The following RNF13 variants were observed in gnomAD, a reference collection of about 807,000 sequenced individuals.
RNF13 encodes ring finger protein 13.
In RNF13, 19 loss-of-function variants were observed where a neutral mutation model predicts 37.7. The observed-to-expected ratio is 0.50, with a 90% CI of 0.35 to 0.74. The LOEUF (loss-of-function observed/expected upper bound fraction) is 0.74. RNF13 is among the 30% of genes least tolerant of loss of function. The pLI is 0.01. For synonymous variants in RNF13, 144 were observed against 157.8 expected (o/e 0.91, Z 0.65); for missense variants, 375 against 453.0 (o/e 0.83, Z 1.56).
At chr3:149,894,809 G>C (rs1006407998) in intron 4 of RNF13, among the ~76,000 whole-genome samples, 1 of 151,994 alleles carries the variant, frequency 6.6e-6, no homozygotes, top group Admixed American at 6.6e-5. Context: ...GTTTAGGTCT[G>C]GGTTTATTTT....
chr3:149,896,690 G>A (rs1190901719), intron 5 of RNF13, among the ~76,000 whole-genome samples: 2 of 151,982 alleles, frequency 1.3e-5, no homozygotes, highest in Non-Finnish European at 2.9e-5. Context: ...TGTTGGTCAG[G>A]TTGGTCTTGA....
intron 8 of RNF13, among the ~76,000 whole-genome samples, chr3:149,921,679 A>G (rs1289761200): frequency 6.6e-6 from 1 of 151,906 alleles, no homozygotes; most frequent in African/African-American, 2.4e-5. Flanking sequence ...TATGTGCCAC[A>G]TTTTCTTTAT....
intron 8 of RNF13, among the ~76,000 whole-genome samples, chr3:149,933,851 T>C (rs891003725): frequency 6.6e-6 from 1 of 152,180 alleles, no homozygotes; most frequent in Non-Finnish European, 1.5e-5. Flanking sequence ...CCCAAAGTGT[T>C]AGGATTACAG....
chr3:149,907,150 T>A (rs1402700577), intron 6 of RNF13, among the ~76,000 whole-genome samples: 1 of 152,202 alleles, frequency 6.6e-6, no homozygotes, highest in East Asian at 1.9e-4. Flanking sequence ...AACCTGCAAT[T>A]TGACTAAATT....
rs1553775784 is a variant in RNF13 at position 149,961,361 on chromosome 3, T to TTA, written c.*257_*258insTA. On this transcript the variant is annotated 3_prime_UTR_variant, in exon 10 of 10. Transcript: ENST00000392894. ...TTGGAATGAAAGTATAGCCAAAACA[T>TTA]AAAAAAAAAAAAATCCTCAGTATAG... 31 of 525,528 alleles carry TTA rather than the reference T, an allele frequency of 5.9e-5. No homozygotes were observed. The highest frequency in any genetic ancestry group is 1.0e-4 in the Admixed American group (4 of 39,704). The allele number at this position is 525,528 out of a possible 1,614,324, so 32.6% of individuals were successfully genotyped here.
intron 8 of RNF13, among the ~76,000 whole-genome samples, chr3:149,951,606 T>C (rs1193750201): frequency 1.3e-5 from 2 of 152,184 alleles, no homozygotes; most frequent in African/African-American, 4.8e-5. Flanking sequence ...TCTACTTTAG[T>C]TGGGGTTGTT....
chr3:149,864,377 T>G (rs2108423728), intron 3 of RNF13, among the ~76,000 whole-genome samples: 1 of 151,848 alleles, frequency 6.6e-6, no homozygotes. Flanking sequence ...CCATGCCTTT[T>G]GTGTGTGTGT....
chr3:149,821,010 C>G (rs919569504), intron 1 of RNF13, among the ~76,000 whole-genome samples: 1 of 152,082 alleles, frequency 6.6e-6, no homozygotes, highest in Admixed American at 6.5e-5. Context: ...ATATTCCTTT[C>G]CATGTCAGAA....
intron 4 of RNF13, among the ~76,000 whole-genome samples, chr3:149,875,612 A>G (rs1431862494): frequency 2.0e-5 from 3 of 152,190 alleles, no homozygotes; most frequent in South Asian, 2.1e-4. Flanking sequence ...AAAGAGAGCC[A>G]TTGTTTAATT....
intron 8 of RNF13, among the ~76,000 whole-genome samples, chr3:149,928,076 T>G (rs1486529211): frequency 6.6e-6 from 1 of 150,744 alleles, no homozygotes; most frequent in African/African-American, 2.4e-5. Context: ...CATCCCACAT[T>G]CATGGATTGA....
chr3:149,845,970 C>A, intron 1 of RNF13, 41 bp from the exon 2 acceptor site: 1 of 1,103,046 alleles, frequency 9.1e-7, no homozygotes, highest in East Asian at 2.4e-5. Flanking sequence ...TTCCCTGGGA[C>A]AAAGCACCAG....
intron 1 of RNF13, among the ~76,000 whole-genome samples, chr3:149,827,890 G>A (rs181667462): frequency 2.6e-4 from 39 of 151,918 alleles, no homozygotes; most frequent in Admixed American, 1.8e-3. Context: ...TGGGAGGATC[G>A]CTTGAGGCCA....
rs1719706753 is a variant in RNF13 at position 149,936,592 on chromosome 3, A to AT, written c.700+15370dup. Among the ~76,000 whole-genome samples the AT allele has an allele frequency of 4.6e-5, 7 of 151,704 alleles. No homozygotes were observed. The South Asian group carries it at 1.3e-3, about 27-fold the overall frequency. On this transcript the variant is annotated intron_variant, in intron 8 of 9. Transcript: ENST00000392894. The stretch of plus-strand genomic sequence containing the variant: ...TTTAATTTTTTAATCTGTTTGTTAA[A>AT]TTTTTCTGGTAAGTTTCTAAAGTGT...
intron 1 of RNF13, among the ~76,000 whole-genome samples, chr3:149,826,045 C>T (rs1451970341): frequency 2.0e-5 from 3 of 152,124 alleles, no homozygotes; most frequent in Non-Finnish European, 4.4e-5. Context: ...ATAGTTTCTC[C>T]TGTTTGAATC....
At chr3:149,816,944 G>A (rs1719520014) in intron 1 of RNF13, among the ~76,000 whole-genome samples, 2 of 152,112 alleles carry the variant, frequency 1.3e-5, no homozygotes, top group African/African-American at 2.4e-5. Context: ...CCAGAGTATA[G>A]GCCTAGGACA....
intron 1 of RNF13, 64 bp from the exon 2 acceptor site, chr3:149,845,947 A>T: frequency 1.2e-6 from 1 of 805,314 alleles, no homozygotes. Context: ...GAATTAATAT[A>T]TCAAATGATC....
In RNF13 at chr3:149,939,506, T is replaced by G. The variant is rs374939293; in HGVS notation, c.700+18279T>G. 629 of 580,204 alleles carry G rather than the reference T, an allele frequency of 1.1e-3. 6 individuals are homozygous for G. The highest frequency in any genetic ancestry group is 8.1e-3 in the South Asian group (583 of 71,690). The allele number at this position is 580,204 out of a possible 1,614,324, so 35.9% of individuals were successfully genotyped here. The stretch of plus-strand genomic sequence containing the variant: ...TCTGAAGCACACTTCAACCGTAAGA[T>G]CACCAGTGGTGTTATTTCAAGGCCC... On this transcript the variant is annotated intron_variant, in intron 8 of 9. Transcript: ENST00000392894.
chr3:149,868,529 T>G (rs1468338857), intron 3 of RNF13, among the ~76,000 whole-genome samples: 2 of 151,494 alleles, frequency 1.3e-5, no homozygotes, highest in African/African-American at 4.8e-5. Context: ...CTCCCTTCCC[T>G]TTTTCCTTTC....
chr3:149,874,588 G>T (rs1324706494), intron 4 of RNF13, among the ~76,000 whole-genome samples: 1 of 152,110 alleles, frequency 6.6e-6, no homozygotes, highest in Non-Finnish European at 1.5e-5. Flanking sequence ...AATAGAATAA[G>T]GGTAAAGATG....
Sources: gnomAD v4.1 joint callset for allele counts (sites outside exome capture counted in the v4.1 genomes callset) on GRCh38, gnomAD v4.1.1 for gene constraint, MANE v1.5 for transcripts, NCBI Gene and HGNC (gene_info 2026-07-23, HGNC 2026-07-21) for gene names.